Variants in SATB2 observed in about 807,000 individuals in gnomAD.
SATB2 encodes SATB homeobox 2, also known as DNA-binding protein SATB2.
In SATB2, 1 loss-of-function variant was observed where a neutral mutation model predicts 73.4. The observed-to-expected ratio is 0.01, with a 90% CI of 0.00 to 0.06. The LOEUF is 0.06. SATB2 is among the 10% of genes least tolerant of loss of function. SATB2 has a pLI of 1.00. For missense variants in SATB2, 459 were observed against 945.8 expected (o/e 0.49, Z 6.75); for synonymous variants, 397 against 367.0 (o/e 1.08, Z -0.93).
At chr2:199,380,281 T>C in intron 5 of SATB2, 83 bp downstream of exon 5, 2 of 1,522,044 alleles carry the variant, frequency 1.3e-6, no homozygotes, top group East Asian at 2.3e-5. Context: ...GAGAAGACAG[T>C]TGTTTAAGCA....
chr2:199,460,085 G>A (rs1467528327), upstream of SATB2, among the ~76,000 whole-genome samples: 1 of 152,000 alleles, frequency 6.6e-6, no homozygotes, highest in African/African-American at 2.4e-5. The surrounding 1 kb of genome is among the most constrained non-coding windows in gnomAD (Gnocchi z 4.0). Context: ...AATTCTTAGG[G>A]GAGCCACCCT....
chr2:199,299,274 C>T (rs551046977), intron 10 of SATB2, among the ~76,000 whole-genome samples: 1 of 152,186 alleles, frequency 6.6e-6, no homozygotes, highest in Non-Finnish European at 1.5e-5. Context: ...CATTAATCAA[C>T]AGATGCCATT....
intron 3 of SATB2, among the ~76,000 whole-genome samples, chr2:199,390,476 G>C (rs1315066032): frequency 6.6e-6 from 1 of 152,154 alleles, no homozygotes. Flanking sequence ...ATGCAAAGAA[G>C]CTTCTTTTTT....
At chr2:199,285,491 CATT>C (rs1295650954) in intron 10 of SATB2, among the ~76,000 whole-genome samples, 1 of 151,944 alleles carries the variant, frequency 6.6e-6, no homozygotes, top group Non-Finnish European at 1.5e-5. Context: ...CACATCCTAA[CATT>C]ATAGGACTTA....
At chr2:199,307,001 C>T (rs146404964) in intron 10 of SATB2, among the ~76,000 whole-genome samples, 27 of 152,168 alleles carry the variant, frequency 1.8e-4, no homozygotes, top group African/African-American at 6.3e-4. Context: ...AAGATAGGCC[C>T]TGAATAAAAA....
At chr2:199,314,584 G>T (rs1687679994) in intron 9 of SATB2, among the ~76,000 whole-genome samples, 1 of 152,072 alleles carries the variant, frequency 6.6e-6, no homozygotes, top group Non-Finnish European at 1.5e-5. Flanking sequence ...AATTGTCATT[G>T]TTACTTTTTA....
chr2:199,312,709 C>A (rs1333223881), intron 9 of SATB2, among the ~76,000 whole-genome samples: 1 of 152,042 alleles, frequency 6.6e-6, no homozygotes, highest in Non-Finnish European at 1.5e-5. Context: ...GTTAAAGGCA[C>A]AAATAAAAAA....
chr2:199,285,759 GA>G (rs1488247762), intron 10 of SATB2, among the ~76,000 whole-genome samples: 1 of 142,018 alleles, frequency 7.0e-6, no homozygotes, highest in Admixed American at 7.0e-5. Flanking sequence ...AAGAGAATAA[GA>G]AAAAAAAAGT....
At chr2:199,344,912 C>A (rs1369749147) in intron 7 of SATB2, among the ~76,000 whole-genome samples, 1 of 152,156 alleles carries the variant, frequency 6.6e-6, no homozygotes, top group Non-Finnish European at 1.5e-5. Context: ...AAATTATACT[C>A]TAAACTTCGC....
intron 3 of SATB2, 50 bp from the exon 4 acceptor site, chr2:199,381,870 C>T (rs1271941533): frequency 7.5e-6 from 12 of 1,600,010 alleles, no homozygotes; most frequent in Non-Finnish European, 1.0e-5. Context: ...ATTTATTAAA[C>T]CTTCCCATTG....
intron 3 of SATB2, among the ~76,000 whole-genome samples, chr2:199,414,708 C>T (rs917199079): frequency 6.6e-6 from 1 of 152,130 alleles, no homozygotes; most frequent in African/African-American, 2.4e-5. Context: ...CTGCTTGTCA[C>T]GGGCCCCAGT....
At chr2:199,374,721 T>A (rs1689546511) in intron 5 of SATB2, among the ~76,000 whole-genome samples, 1 of 152,158 alleles carries the variant, frequency 6.6e-6, no homozygotes, top group African/African-American at 2.4e-5. Flanking sequence ...CCCAGCATTT[T>A]GGGAGGCCGA....
intron 7 of SATB2, chr2:199,347,916 G>A (rs1441471486): frequency 2.0e-5 from 3 of 152,134 alleles, no homozygotes; most frequent in Non-Finnish European, 4.4e-5. Flanking sequence ...TGTTAGAAAT[G>A]TCCATTTCTG....
At chr2:199,341,465 T>G (rs1051764840) in intron 7 of SATB2, among the ~76,000 whole-genome samples, 1 of 152,180 alleles carries the variant, frequency 6.6e-6, no homozygotes, top group African/African-American at 2.4e-5. Flanking sequence ...TTCATTTAAG[T>G]CAAGTTTGGT....
At chr2:199,318,283 G>C (rs969376744) in intron 9 of SATB2, among the ~76,000 whole-genome samples, 6 of 151,994 alleles carry the variant, frequency 3.9e-5, no homozygotes, top group African/African-American at 1.5e-4. Context: ...CCCAGTAAAG[G>C]CATCCTCAAA....
At chr2:199,415,916 T>C (rs1224082305) in intron 3 of SATB2, among the ~76,000 whole-genome samples, 1 of 152,178 alleles carries the variant, frequency 6.6e-6, no homozygotes, top group Non-Finnish European at 1.5e-5. Flanking sequence ...TGTAAGGTTG[T>C]CCTCAGCCCC....
At chr2:199,438,455 C>T (rs75819162) in intron 2 of SATB2, among the ~76,000 whole-genome samples, 7,991 of 152,268 alleles carry the variant, frequency 0.052, 716 homozygotes, top group African/African-American at 0.18. Context: ...CAAAATCCAA[C>T]GTGTTACCTT....
chr2:199,459,474 G>A (rs1427186298), upstream of SATB2, among the ~76,000 whole-genome samples: 1 of 152,174 alleles, frequency 6.6e-6, no homozygotes, highest in Non-Finnish European at 1.5e-5. This position sits in a 1 kb window ranked among gnomAD's most constrained non-coding sequence, Gnocchi z 4.2. Context: ...GTGGGCAGGG[G>A]CCGCAGCCCC....
intron 8 of SATB2, among the ~76,000 whole-genome samples, chr2:199,324,981 GAGCTGTTCTCTACTGGATCCAGC>G (rs1687990914): frequency 6.6e-6 from 1 of 152,088 alleles, no homozygotes; most frequent in South Asian, 2.1e-4. Context: ...CGGATGCCCT[GAGCTGTTCTCTACTGGATCCAGC>G]AGTATGCAGG....
Sources: gnomAD v4.1 joint callset for allele counts (sites outside exome capture counted in the v4.1 genomes callset) on GRCh38, gnomAD v4.1.1 for gene constraint, Gnocchi (gnomAD v3.1) non-coding constraint, MANE v1.5 for transcripts, NCBI Gene and HGNC (gene_info 2026-07-23, HGNC 2026-07-21) for gene names.